ITGA8: variants seen among roughly 807,000 people sequenced by gnomAD.
The protein encoded by ITGA8 is integrin subunit alpha 8.
A neutral mutation model predicts 142.3 loss-of-function variants in ITGA8; 91 were observed. The ratio of observed to expected loss-of-function variants is 0.64; its 90% CI spans 0.54 to 0.76. ITGA8 has a LOEUF of 0.76. Ranked by LOEUF, ITGA8 falls within the 30% of genes least tolerant of loss-of-function variation. ITGA8 has a pLI of 0.00. For synonymous variants in ITGA8, 505 were observed against 485.2 expected (o/e 1.04, Z -0.54); for missense variants, 1,406 against 1,327.7 (o/e 1.06, Z -0.92).
chr10:15,564,586 A>T (rs934528069), intron 25 of ITGA8, among the ~76,000 whole-genome samples: 25 of 152,218 alleles, frequency 1.6e-4, no homozygotes, highest in African/African-American at 5.8e-4. Flanking sequence ...CCCAACAGGA[A>T]TTTTCTATTT....
At chr10:15,713,571 G>A (rs535323347) in intron 2 of ITGA8, among the ~76,000 whole-genome samples, 5 of 152,184 alleles carry the variant, frequency 3.3e-5, no homozygotes, top group Admixed American at 6.6e-5. Flanking sequence ...AACAAAAACT[G>A]ATTTCTTTCC....
intron 22 of ITGA8, among the ~76,000 whole-genome samples, chr10:15,591,663 C>A (rs980092329): frequency 6.6e-6 from 1 of 152,088 alleles, no homozygotes; most frequent in Non-Finnish European, 1.5e-5. Flanking sequence ...CAGCTGAATT[C>A]TCAAACAGCA....
intron 6 of ITGA8, among the ~76,000 whole-genome samples, chr10:15,675,300 C>G (rs1834606334): frequency 1.3e-5 from 2 of 152,220 alleles, no homozygotes; most frequent in South Asian, 2.1e-4. Flanking sequence ...CCACTCTAAA[C>G]TGGTCCTCTT....
intron 22 of ITGA8, among the ~76,000 whole-genome samples, chr10:15,587,810 T>C (rs1832858723): frequency 6.6e-6 from 1 of 152,226 alleles, no homozygotes; most frequent in East Asian, 1.9e-4. Flanking sequence ...CCAGCAAATA[T>C]AATTAGATAT....
chr10:15,650,628 T>C (rs190380502), intron 11 of ITGA8, among the ~76,000 whole-genome samples: 35 of 152,284 alleles, frequency 2.3e-4, no homozygotes, highest in African/African-American at 7.9e-4. Context: ...TAAATTTCTT[T>C]TCTTTGCAAA....
At chr10:15,603,544 C>A (rs1345939944) in intron 20 of ITGA8, among the ~76,000 whole-genome samples, 1 of 152,122 alleles carries the variant, frequency 6.6e-6, no homozygotes, top group Non-Finnish European at 1.5e-5. Context: ...TTTTCTAGAC[C>A]AAGTGATTAA....
chr10:15,552,022 A>C (rs1465389134), intron 26 of ITGA8, among the ~76,000 whole-genome samples: 2 of 152,236 alleles, frequency 1.3e-5, no homozygotes, highest in Non-Finnish European at 2.9e-5. Flanking sequence ...TGGACCCTGC[A>C]ACGCAAATAC....
intron 15 of ITGA8, among the ~76,000 whole-genome samples, chr10:15,609,617 T>G (rs1349807593): frequency 6.6e-6 from 1 of 152,238 alleles, no homozygotes; most frequent in Non-Finnish European, 1.5e-5. Flanking sequence ...TCTGCTTCAA[T>G]TAGAATTATT....
At chr10:15,548,867 A>G (rs775312297) in intron 26 of ITGA8, among the ~76,000 whole-genome samples, 1 of 152,184 alleles carries the variant, frequency 6.6e-6, no homozygotes, top group Non-Finnish European at 1.5e-5. Context: ...GGCATTGCTT[A>G]TAGATATTCA....
chr10:15,587,977 C>G (rs1178540176), intron 22 of ITGA8, among the ~76,000 whole-genome samples: 1 of 152,106 alleles, frequency 6.6e-6, no homozygotes, highest in Non-Finnish European at 1.5e-5. Context: ...TCACTAAAAA[C>G]TTAGGCAGCT....
chr10:15,568,826 A>G (rs1289842474), intron 25 of ITGA8, among the ~76,000 whole-genome samples: 1 of 152,216 alleles, frequency 6.6e-6, no homozygotes, highest in African/African-American at 2.4e-5. Flanking sequence ...AAGAAAATCC[A>G]TTTGTTAAGT....
Position 15,606,293 on chromosome 10 carries a change from T to TA in ITGA8, c.1893dup (p.Ser632Ter). Reference sequence around the variant, plus strand: ...GACTGTGAAGGACTTACCTGTTCACTAACAATGTTTTCTCTGTAGTAGTTC... The same window carrying TA: ...GACTGTGAAGGACTTACCTGTTCACTAAACAATGTTTTCTCTGTAGTAGTTC... On this transcript the variant is annotated frameshift_variant, in exon 18 of 30. Transcript: ENST00000378076. LOFTEE classifies it high-confidence loss of function. 1 of 1,606,864 alleles carries TA rather than the reference T, an allele frequency of 6.2e-7. No individual in the cohort carries two copies. Among genetic ancestry groups the TA allele is most frequent in the Non-Finnish European group, 8.5e-7 (1 of 1,174,260 alleles).
intron 26 of ITGA8, among the ~76,000 whole-genome samples, chr10:15,552,693 C>T (rs1298318200): frequency 1.3e-5 from 2 of 152,192 alleles, no homozygotes; most frequent in Non-Finnish European, 2.9e-5. Flanking sequence ...TATCCCCTCA[C>T]CCCCGGGCAG....
At position 15,684,043 on chromosome 10, in the gene ITGA8, T is replaced by C; in HGVS notation, c.529A>G (p.Asn177Asp). 6.2e-7 allele frequency: 1 copy of C among 1,614,200 alleles called. No homozygotes were observed. Among genetic ancestry groups the C allele is most frequent in the Non-Finnish European group, 8.5e-7 (1 of 1,180,028 alleles). The change falls in exon 4 of 30, where the codon AAC (asparagine) becomes GAC (aspartate). Residue 177 changes from asparagine to aspartate, a missense_variant. Transcript: ENST00000378076. The stretch of plus-strand genomic sequence containing the variant: ...GAGAACTCGGCATAGGCGCTGAAGT[T>C]CTGAATTGCTACATAGCAGGTGCCA... ...PVGTCYVAIQ[N>D]FSAYAEFSPC...
chr10:15,667,666 A>G (rs1176331610), intron 8 of ITGA8, among the ~76,000 whole-genome samples: 1 of 151,082 alleles, frequency 6.6e-6, no homozygotes, highest in African/African-American at 2.4e-5. Context: ...AGTGCTATAA[A>G]TTTCCCTCTA....
chr10:15,546,476 T>C (rs1286323304), intron 27 of ITGA8, among the ~76,000 whole-genome samples: 1 of 152,182 alleles, frequency 6.6e-6, no homozygotes, highest in East Asian at 1.9e-4. Context: ...AATGGGATGA[T>C]GTTGTCCCCT....
chr10:15,531,540 A>T lies in ITGA8; in HGVS notation c.2881-389T>A, dbSNP rs187329363. Among the ~76,000 whole-genome samples, 365 of 152,370 alleles carry T rather than the reference A, an allele frequency of 2.4e-3. 2 individuals are homozygous for T. The highest frequency in any genetic ancestry group is 8.2e-3 in the African/African-American group (340 of 41,594). ...CTAAAAAGGAGCAAGCAAAGAATTT[A>T]TATAGTTACTGCTAGTGAAGGACAA... On this transcript the variant is annotated intron_variant, in intron 27 of 29. Coordinates refer to ENST00000378076, the MANE Select transcript of ITGA8 (RefSeq NM_003638.3).
chr10:15,705,845 T>G (rs1360530463), intron 2 of ITGA8, among the ~76,000 whole-genome samples: 1 of 152,224 alleles, frequency 6.6e-6, no homozygotes, highest in Non-Finnish European at 1.5e-5. Context: ...ACCTAACTGG[T>G]GGCTCCTTCC....
intron 6 of ITGA8, among the ~76,000 whole-genome samples, chr10:15,674,269 ACT>A (rs1165920866): frequency 2.0e-5 from 3 of 152,150 alleles, no homozygotes; most frequent in African/African-American, 7.2e-5. Context: ...CCACATACAC[ACT>A]GTCTTTGCTG....
Sources: allele counts gnomAD v4.1 joint callset (sites outside exome capture counted in the v4.1 genomes callset), GRCh38; gene constraint gnomAD v4.1.1; transcripts MANE v1.5; gene names NCBI Gene and HGNC (gene_info 2026-07-23, HGNC 2026-07-21).